The following GPX6 variants were observed in gnomAD, a reference collection of about 807,000 sequenced individuals.
GPX6 encodes the protein glutathione peroxidase 6 (olfactory).
A neutral mutation model predicts 20.0 loss-of-function variants in GPX6; 21 were observed. The ratio of observed to expected loss-of-function variants is 1.05; its 90% CI spans 0.74 to 1.51. GPX6 has a LOEUF of 1.51. GPX6 is among the 40% of genes most tolerant of loss of function. The pLI, the probability that GPX6 is intolerant of heterozygous loss-of-function variation, is 0.00. For missense variants in GPX6, 233 were observed against 254.7 expected, an observed-to-expected ratio of 0.91 and a Z score of 0.58; for synonymous variants, 75 against 98.0, an observed-to-expected ratio of 0.77 and a Z score of 1.38.
intron 2 of GPX6, among the ~76,000 whole-genome samples, chr6:28,508,705 G>A (rs1762831246): frequency 6.6e-6 from 1 of 151,818 alleles, no homozygotes; most frequent in Admixed American, 6.6e-5. Flanking sequence ...TATTTGGGAG[G>A]CTGAGGCAAG....
At chr6:28,508,670 G>A (rs1561999347) in intron 2 of GPX6, among the ~76,000 whole-genome samples, 2 of 151,952 alleles carry the variant, frequency 1.3e-5, no homozygotes, top group African/African-American at 2.4e-5. Flanking sequence ...AGCTGGGCGA[G>A]GTGATATGCA....
chr6:28,511,581 G>T (rs1762874457), intron 1 of GPX6, among the ~76,000 whole-genome samples: 2 of 152,244 alleles, frequency 1.3e-5, no homozygotes, highest in East Asian at 3.9e-4. Flanking sequence ...AGGCACTGGC[G>T]CTGGATGTGG....
chr6:28,508,643 TAA>T (rs1187301564), intron 2 of GPX6, among the ~76,000 whole-genome samples: 4 of 143,356 alleles, frequency 2.8e-5, no homozygotes, highest in African/African-American at 7.7e-5. Flanking sequence ...CAGTCTCTAT[TAA>T]AAAAAAAAAA....
rs749700233 is a variant in GPX6 at position 28,506,409 on chromosome 6, C to T, written c.262G>A (p.Glu88Lys). Residue 88 changes from glutamate to lysine, a missense_variant, in exon 3 of 5, where the codon GAG becomes AAG. Coordinates refer to ENST00000361902, the MANE Select transcript of GPX6 (RefSeq NM_182701.1). ...QYPELNALQE[E>K]LKNFGVIVLA... ...ACAATGACACCAAAATTCTTCAGCT[C>T]CTCCTGTAGTGCATTCAGTTCTGTA... 4 of 1,612,214 alleles carry T rather than the reference C, an allele frequency of 2.5e-6. No homozygotes were observed. Among genetic ancestry groups the T allele is most frequent in the Non-Finnish European group, 3.4e-6 (4 of 1,178,274 alleles).
At position 28,504,399 on chromosome 6, in the gene GPX6, G is replaced by A. The variant is rs754327120; in HGVS notation, c.559C>T (p.Leu187=). 6.2e-7 allele frequency: 1 copy of A among 1,614,216 alleles called. No individual in the cohort carries two copies. The highest frequency in any genetic ancestry group is 1.1e-5 in the South Asian group (1 of 91,082). ...HDIRWNFEKF[L]VGPDGVPVMH... ...ACAGGGACTCCATCGGGCCCCACCA[G>A]AAATTTCTCAAAGTTCCAGCGGATA... Residue 187 remains leucine (L), a synonymous_variant, in exon 5 of 5, where the codon CTG becomes TTG. Transcript: ENST00000361902.
At position 28,506,416 on chromosome 6, in the gene GPX6, T is replaced by C; in HGVS notation, c.255A>G (p.Leu85=). The change falls in exon 3 of 5, where the codon CTA becomes CTG. Residue 85 remains leucine (L), a synonymous_variant. Transcript: ENST00000361902. ...CACCAAAATTCTTCAGCTCCTCCTG[T>C]AGTGCATTCAGTTCTGTAAGTGGAC... ...LAAQYPELNA[L]QEELKNFGVI... is the part of the protein sequence containing the mutation. 1 of 1,609,282 alleles carries C rather than the reference T, an allele frequency of 6.2e-7. No individual in the cohort carries two copies. The highest frequency in any genetic ancestry group is 8.5e-7 in the Non-Finnish European group (1 of 1,175,584).
chr6:28,510,969 T>C, intron 1 of GPX6, 65 bp from the exon 2 acceptor site: 1 of 1,436,474 alleles, frequency 7.0e-7, no homozygotes. Flanking sequence ...ATTTGTGGAC[T>C]TTTTCAAAAC....
rs201488451 is a variant in GPX6, at chr6:28,505,771, T to C, written c.391A>G (p.Ser131Gly). Residue 131 changes from serine to glycine, a missense_variant, in exon 4 of 5, where the codon AGT becomes GGT. Transcript: ENST00000361902. Reference protein sequence around the residue: ...YVCPGSGFVPSFQLFEKGDVN... With the variant: ...YVCPGSGFVPGFQLFEKGDVN... Reference sequence around the variant, plus strand: ...TCCCCTTTCTCAAAGAGCTGGAAACTGGGGACAAAGCCACTACCTGGACAC... The same window carrying C: ...TCCCCTTTCTCAAAGAGCTGGAAACCGGGGACAAAGCCACTACCTGGACAC... 9.2e-5 allele frequency: 148 copies of C among 1,614,022 alleles called. No individual in the cohort carries two copies. The African/African-American group carries it at 1.5e-3, about 16-fold the overall frequency.
intron 1 of GPX6, among the ~76,000 whole-genome samples, chr6:28,512,054 C>T (rs1001842070): frequency 3.3e-5 from 5 of 152,240 alleles, no homozygotes; most frequent in African/African-American, 9.6e-5. Context: ...TGCAGCCCGC[C>T]ATGCCTGAGC....
chr6:28,512,609 G>T (rs901367663), intron 1 of GPX6, among the ~76,000 whole-genome samples: 1 of 152,154 alleles, frequency 6.6e-6, no homozygotes, highest in African/African-American at 2.4e-5. Context: ...AATAAAAGGC[G>T]GCTGCCGGAG....
chr6:28,514,281 C>T (rs562329847), intron 1 of GPX6, among the ~76,000 whole-genome samples: 1 of 152,278 alleles, frequency 6.6e-6, no homozygotes, highest in South Asian at 2.1e-4. Flanking sequence ...CAGAATCCCA[C>T]GAAAACTGCA....
At chr6:28,515,426 C>T (rs1208851310) in intron 1 of GPX6, among the ~76,000 whole-genome samples, 1 of 152,156 alleles carries the variant, frequency 6.6e-6, no homozygotes, top group East Asian at 1.9e-4. Context: ...CAACCCCACT[C>T]CACATACATT....
intron 1 of GPX6, among the ~76,000 whole-genome samples, chr6:28,511,201 G>A (rs1042788073): frequency 2.0e-5 from 3 of 152,014 alleles, no homozygotes; most frequent in Non-Finnish European, 4.4e-5. Context: ...ATTCTCCCCC[G>A]ACATCCTAAC....
intron 1 of GPX6, among the ~76,000 whole-genome samples, chr6:28,512,622 A>G (rs1483663762): frequency 6.6e-6 from 1 of 152,198 alleles, no homozygotes; most frequent in African/African-American, 2.4e-5. Context: ...TGCCGGAGCC[A>G]GCAGTGGCAG....
At chr6:28,510,039 C>G (rs1762846229) in intron 2 of GPX6, among the ~76,000 whole-genome samples, 1 of 152,214 alleles carries the variant, frequency 6.6e-6, no homozygotes, top group Non-Finnish European at 1.5e-5. Context: ...GGAGTCACAG[C>G]TAGGCTTTAG....
intron 2 of GPX6, among the ~76,000 whole-genome samples, chr6:28,509,630 A>G (rs963351963): frequency 1.3e-5 from 2 of 152,374 alleles, no homozygotes; most frequent in Non-Finnish European, 2.9e-5. Context: ...ATTTTTTAAA[A>G]GCATAAAATA....
In GPX6 at chr6:28,510,863, A is replaced by T. The variant is rs1238771845; in HGVS notation, c.129T>A (p.Tyr43Ter). The change falls in exon 2 of 5, where the codon TAT becomes TAA. Residue 43 changes from tyrosine (Y) to a stop codon, truncating the protein, a stop_gained. Coordinates refer to ENST00000361902, the MANE Select transcript of GPX6 (RefSeq NM_182701.1). LOFTEE classifies it high-confidence loss of function. ...CCTCGCCGTTGAGGGTGAGGGCTCC[A>T]TACTCATAGATGGTGCCTGTTACCC... ...NKGVTGTIYE[Y>*]GALTLNGEEY... is the part of the protein sequence containing the mutation. The T allele has an allele frequency of 6.2e-7, 1 of 1,613,846 alleles. No homozygotes were observed. The highest frequency in any genetic ancestry group is 8.5e-7 in the Non-Finnish European group (1 of 1,179,876).
rs1401808507 is a variant in GPX6 at position 28,510,824 on chromosome 6, G to C, written c.168C>G (p.Phe56Leu). The change falls in exon 2 of 5, where the codon TTC (phenylalanine) becomes TTG (leucine). Residue 56 changes from phenylalanine (F) to leucine (L), a missense_variant. Coordinates refer to ENST00000361902, the MANE Select transcript of GPX6 (RefSeq NM_182701.1). ...GGACGTGCTTGCCTGCAAACTGCTT[G>C]AATTGGATGTACTCCTCGCCGTTGA... ...LTLNGEEYIQ[F>L]KQFAGKHVLF... is the part of the protein sequence containing the mutation. 6.2e-6 allele frequency: 10 copies of C among 1,614,008 alleles called. No homozygotes were observed. Among genetic ancestry groups the C allele is most frequent in the Non-Finnish European group, 8.5e-6 (10 of 1,180,016 alleles).
chr6:28,511,609 G>A (rs968646385), intron 1 of GPX6, among the ~76,000 whole-genome samples: 1 of 152,266 alleles, frequency 6.6e-6, no homozygotes, highest in Non-Finnish European at 1.5e-5. Context: ...CACATCAGCG[G>A]AGGAACACAC....
Sources: allele counts gnomAD v4.1 joint callset (sites outside exome capture counted in the v4.1 genomes callset), GRCh38; gene constraint gnomAD v4.1.1; transcripts MANE v1.5; gene names NCBI Gene and HGNC (gene_info 2026-07-23, HGNC 2026-07-21).